Variants in DLG2 observed in about 807,000 individuals in gnomAD.
DLG2 encodes disks large homolog 2.
DLG2 carries 45 observed loss-of-function variants against 132.5 expected under a neutral mutation model. That is an observed-to-expected ratio of 0.34 (90% CI 0.27 to 0.44). The LOEUF (loss-of-function observed/expected upper bound fraction) is 0.44, where lower values mean the gene tolerates loss of function less well. Ranked by LOEUF, DLG2 falls within the 20% of genes least tolerant of loss-of-function variation. The probability of loss-of-function intolerance (pLI) is 1.00; values close to 1 mark genes in which losing one functional copy is unlikely to be tolerated. For synonymous variants in DLG2, 424 were observed against 419.6 expected (o/e 1.01, Z -0.13); for missense variants, 1,045 against 1,196.9 (o/e 0.87, Z 1.87).
chr11:83,730,470 T>C (rs968938259), intron 18 of DLG2, among the ~76,000 whole-genome samples: 3 of 152,186 alleles, frequency 2.0e-5, no homozygotes, highest in African/African-American at 7.2e-5. Flanking sequence ...AAGAAGCAGA[T>C]GTGGGAAAAC....
At chr11:83,801,861 T>C (rs1043468761) in intron 17 of DLG2, among the ~76,000 whole-genome samples, 1 of 152,198 alleles carries the variant, frequency 6.6e-6, no homozygotes, top group Non-Finnish European at 1.5e-5. Flanking sequence ...TTCAACAATA[T>C]TCCTTAAACT....
chr11:85,085,462 T>C (rs188554623), intron 6 of DLG2, among the ~76,000 whole-genome samples: 1 of 152,240 alleles, frequency 6.6e-6, no homozygotes, highest in East Asian at 1.9e-4. Context: ...ATTATCTTTG[T>C]GTGTTTGTAT....
Position 85,594,419 on chromosome 11 carries a change from T to C in DLG2, c.40+4238A>G, listed in dbSNP as rs148374184. ...AGATTTTGCCACTGGTAGAGTTTTT[T>C]TAAAGTATCATTTACCGCTTGTTCT... is the stretch of plus-strand genomic sequence containing the variant. On this transcript the variant is annotated intron_variant, in intron 3 of 27. Coordinates refer to ENST00000376104, the MANE Select transcript of DLG2 (RefSeq NM_001142699.3). 7.0e-4 allele frequency among the ~76,000 whole-genome samples: 106 copies of C among 152,348 alleles called. 1 individual carries two copies. The highest frequency in any genetic ancestry group is 2.3e-3 in the African/African-American group (97 of 41,584).
intron 7 of DLG2, among the ~76,000 whole-genome samples, chr11:84,521,014 T>C (rs2099297198): frequency 6.6e-6 from 1 of 152,180 alleles, no homozygotes; most frequent in South Asian, 2.1e-4. Flanking sequence ...TGTACATTAG[T>C]CTTTGAGATG....
chr11:83,943,717 A>G (rs1279093078), intron 14 of DLG2, among the ~76,000 whole-genome samples: 1 of 152,250 alleles, frequency 6.6e-6, no homozygotes, highest in Non-Finnish European at 1.5e-5. Flanking sequence ...TACAGCAAGT[A>G]TAGTCTTTTT....
intron 3 of DLG2, among the ~76,000 whole-genome samples, chr11:85,466,943 C>T (rs1368687967): frequency 1.3e-5 from 2 of 152,138 alleles, no homozygotes; most frequent in African/African-American, 4.8e-5. Context: ...TACCCATGAG[C>T]ATGGAATGTT....
At position 84,187,537 on chromosome 11, in the gene DLG2, A is replaced by G. The variant is rs56875050; in HGVS notation, c.574-24026T>C. The stretch of plus-strand genomic sequence containing the variant: ...TGTTTCACCCAATTGCTGTTTTGAA[A>G]TTTGGTCATCTTAAAACCAAGAGAG... On this transcript the variant is annotated intron_variant, in intron 8 of 27. Transcript: ENST00000376104. Among the ~76,000 whole-genome samples the G allele has an allele frequency of 4.2e-3, 641 of 152,154 alleles. 8 individuals are homozygous for G. The East Asian group carries it at 0.043, about 10-fold the overall frequency.
chr11:84,520,014 A>G lies in DLG2; in HGVS notation c.519+14556T>C, dbSNP rs563703912. On this transcript the variant is annotated intron_variant, in intron 7 of 27. Coordinates refer to ENST00000376104, the MANE Select transcript of DLG2 (RefSeq NM_001142699.3). ...TGTGTGGAAAAAGGTTGAAAATACTATTCAACATTCTCTTTCCTGAATCAT... is the reference window on the plus strand; with the variant it reads ...TGTGTGGAAAAAGGTTGAAAATACTGTTCAACATTCTCTTTCCTGAATCAT... Among the ~76,000 whole-genome samples the G allele has an allele frequency of 2.6e-5, 4 of 152,330 alleles. No individual in the cohort carries two copies. The East Asian group carries it at 7.7e-4, about 29-fold the overall frequency.
intron 7 of DLG2, among the ~76,000 whole-genome samples, chr11:84,261,046 T>C (rs1226206624): frequency 6.6e-6 from 1 of 152,242 alleles, no homozygotes. Context: ...TGTTCCTCGT[T>C]GCTAAGCTAC....
At chr11:84,734,609 C>G (rs2063584027) in intron 6 of DLG2, among the ~76,000 whole-genome samples, 1 of 152,116 alleles carries the variant, frequency 6.6e-6, no homozygotes, top group Non-Finnish European at 1.5e-5. Flanking sequence ...TTCCTCTTTT[C>G]CCAATTGAAT....
chr11:85,482,660 G>C (rs375813399), intron 3 of DLG2, among the ~76,000 whole-genome samples: 1 of 152,032 alleles, frequency 6.6e-6, no homozygotes, highest in East Asian at 1.9e-4. Context: ...CCAGCCTAAT[G>C]GTCCCAGGTA....
At chr11:84,455,053 A>G (rs1020686629) in intron 7 of DLG2, among the ~76,000 whole-genome samples, 3 of 151,502 alleles carry the variant, frequency 2.0e-5, no homozygotes, top group Non-Finnish European at 4.4e-5. Flanking sequence ...AAGGTGGAAT[A>G]AAAAATGACT....
At chr11:84,522,692 T>G (rs115335901) in intron 7 of DLG2, among the ~76,000 whole-genome samples, 2,379 of 152,354 alleles carry the variant, frequency 0.016, 62 homozygotes, top group African/African-American at 0.054. Context: ...TACAACATTC[T>G]GTCTTATATA....
At chr11:83,638,115 A>G (rs1355272308) in intron 18 of DLG2, among the ~76,000 whole-genome samples, 2 of 152,188 alleles carry the variant, frequency 1.3e-5, no homozygotes, top group African/African-American at 4.8e-5. Flanking sequence ...CAAACGTTTT[A>G]GAGGAGCTTC....
At chr11:83,720,382 GTT>G (rs2088163828) in intron 18 of DLG2, among the ~76,000 whole-genome samples, 2 of 138,480 alleles carry the variant, frequency 1.4e-5, no homozygotes, top group African/African-American at 2.7e-5. Context: ...AACCATTTCT[GTT>G]TCTCAAGCTT....
intron 6 of DLG2, among the ~76,000 whole-genome samples, chr11:84,690,108 G>A (rs896840769): frequency 1.3e-5 from 2 of 151,850 alleles, no homozygotes; most frequent in East Asian, 1.9e-4. Flanking sequence ...TGAGGTGGTC[G>A]GGATGGGGTT....
chr11:84,574,892 A>C (rs1249327948), intron 6 of DLG2, among the ~76,000 whole-genome samples: 2 of 152,132 alleles, frequency 1.3e-5, no homozygotes, highest in Non-Finnish European at 1.5e-5. Flanking sequence ...TTTTTCTGCC[A>C]TTAACCAGCA....
chr11:83,548,006 T>C (rs1383301237), intron 19 of DLG2, among the ~76,000 whole-genome samples: 1 of 152,110 alleles, frequency 6.6e-6, no homozygotes, highest in East Asian at 1.9e-4. Context: ...CTTTAAATAC[T>C]TCTTATGGAA....
chr11:85,236,063 A>G (rs1424596522), intron 4 of DLG2, among the ~76,000 whole-genome samples: 3 of 151,900 alleles, frequency 2.0e-5, no homozygotes, highest in East Asian at 3.9e-4. Flanking sequence ...GCTTACTAAA[A>G]AAAGTTAAGT....
Sources: allele counts gnomAD v4.1 joint callset (sites outside exome capture counted in the v4.1 genomes callset), GRCh38; gene constraint gnomAD v4.1.1; transcripts MANE v1.5; gene names NCBI Gene and HGNC (gene_info 2026-07-23, HGNC 2026-07-21).